The following MAP2K5 variants were observed in gnomAD, a reference collection of about 807,000 sequenced individuals.
MAP2K5 encodes mitogen-activated protein kinase kinase 5.
In MAP2K5, 49 loss-of-function variants were observed where a neutral mutation model predicts 83.1. That is an observed-to-expected ratio of 0.59 (90% confidence interval 0.47 to 0.75). MAP2K5 has a LOEUF of 0.75. MAP2K5 is among the 30% of genes least tolerant of loss of function. MAP2K5 has a pLI of 0.00. For synonymous variants in MAP2K5, 202 were observed against 191.8 expected (o/e 1.05, Z -0.44); for missense variants, 457 against 557.5 (o/e 0.82, Z 1.82).
rs776598786 is a variant in MAP2K5, at chr15:67,781,416, TAC to T, written c.1242+8666_1242+8667del. ...GGATTGTGAGTCTTGTGGTTTCGGA[TAC>T]AGAGTTATTTGGGGGGCCAAATCTG... On this transcript the variant is annotated intron_variant, in intron 21 of 21. Transcript: ENST00000178640. This position sits in a 1 kb window ranked among gnomAD's most constrained non-coding sequence, Gnocchi z 4.0. 6.6e-6 allele frequency among the ~76,000 whole-genome samples: 1 copy of T among 152,218 alleles called. No individual in the cohort carries two copies. The highest frequency in any genetic ancestry group is 1.5e-5 in the Non-Finnish European group (1 of 68,032).
At chr15:67,714,986 G>C (rs1566939320) in intron 16 of MAP2K5, among the ~76,000 whole-genome samples, 1 of 152,176 alleles carries the variant, frequency 6.6e-6, no homozygotes, top group Non-Finnish European at 1.5e-5. Flanking sequence ...GTTGACCAAA[G>C]TTTTTGCTGA....
rs138577099 is a variant in MAP2K5 at position 67,701,943 on chromosome 15, A to G, written c.973-1394A>G. Among the ~76,000 whole-genome samples the G allele has an allele frequency of 3.9e-3, 595 of 152,344 alleles. 3 individuals carry two copies. Among genetic ancestry groups the G allele is most frequent in the Non-Finnish European group, 7.2e-3 (492 of 68,032 alleles). Reference sequence around the variant, plus strand: ...TTGAATCCTGGCTCCGCTCCTGGACAGTGCATTTAATGCTAACCCATAGCT... The same window carrying G: ...TTGAATCCTGGCTCCGCTCCTGGACGGTGCATTTAATGCTAACCCATAGCT... On this transcript the variant is annotated intron_variant, in intron 15 of 21. Coordinates refer to ENST00000178640, the MANE Select transcript of MAP2K5 (RefSeq NM_145160.3).
intron 11 of MAP2K5, among the ~76,000 whole-genome samples, chr15:67,654,601 T>A (rs1317021301): frequency 6.6e-6 from 1 of 152,358 alleles, no homozygotes; most frequent in South Asian, 2.1e-4. Flanking sequence ...GTTCTGTTGT[T>A]GCTTTCTTTT....
In MAP2K5 at chr15:67,707,997, A is replaced by G. The variant is rs182797081; in HGVS notation, c.1044+4589A>G. ...TGATAAAAATGTAGGAAACCGAGCAAAGGAATTTCCCTGAAATTACACAGG... is the reference window on the plus strand; with the variant it reads ...TGATAAAAATGTAGGAAACCGAGCAGAGGAATTTCCCTGAAATTACACAGG... On this transcript the variant is annotated intron_variant, in intron 16 of 21. Coordinates refer to ENST00000178640, the MANE Select transcript of MAP2K5 (RefSeq NM_145160.3). 1.9e-4 allele frequency among the ~76,000 whole-genome samples: 29 copies of G among 152,318 alleles called. No homozygotes were observed. The East Asian group carries it at 5.0e-3, about 26-fold the overall frequency.
chr15:67,682,239 A>G (rs747813499), intron 13 of MAP2K5, among the ~76,000 whole-genome samples: 9 of 150,288 alleles, frequency 6.0e-5, no homozygotes, highest in Non-Finnish European at 1.2e-4. Context: ...TTTTTTTAAG[A>G]TAGAGTCTTG....
chr15:67,578,935 G>T (rs936318067), intron 3 of MAP2K5, among the ~76,000 whole-genome samples: 24 of 152,192 alleles, frequency 1.6e-4, no homozygotes, highest in Admixed American at 1.6e-3. Context: ...TAACTTGTTA[G>T]ATAAAGCATA....
intron 8 of MAP2K5, among the ~76,000 whole-genome samples, chr15:67,616,342 G>T (rs2086054348): frequency 1.3e-5 from 2 of 152,184 alleles, no homozygotes; most frequent in Non-Finnish European, 2.9e-5. Context: ...AACTTTCTGT[G>T]CCAATGAGGA....
intron 3 of MAP2K5, among the ~76,000 whole-genome samples, chr15:67,575,255 G>A (rs999652383): frequency 1.3e-5 from 2 of 152,068 alleles, no homozygotes; most frequent in African/African-American, 4.8e-5. Flanking sequence ...AAATGAGAAG[G>A]CTAATGAAAA....
intron 6 of MAP2K5, among the ~76,000 whole-genome samples, chr15:67,592,006 G>A (rs1025139144): frequency 6.6e-6 from 1 of 150,730 alleles, no homozygotes; most frequent in Non-Finnish European, 1.5e-5. Flanking sequence ...AGGTACTCTG[G>A]AGACTGAGGC....
Position 67,605,196 on chromosome 15 carries a change from A to G in MAP2K5, c.545+4447A>G, listed in dbSNP as rs375203267. Among the ~76,000 whole-genome samples the G allele has an allele frequency of 6.2e-4, 94 of 151,926 alleles. No homozygotes were observed. In the East Asian group the frequency reaches 0.014, roughly 23 times the overall value. On this transcript the variant is annotated intron_variant, in intron 8 of 21. Coordinates refer to ENST00000178640, the MANE Select transcript of MAP2K5 (RefSeq NM_145160.3). The stretch of plus-strand genomic sequence containing the variant: ...GCCTCCCTAGAGTAGCTGGGATTAC[A>G]GGCATGTACCACCATGCCCAGCTAA...
intron 21 of MAP2K5, among the ~76,000 whole-genome samples, chr15:67,791,290 G>A (rs2090513810): frequency 6.6e-6 from 1 of 152,184 alleles, no homozygotes; most frequent in Non-Finnish European, 1.5e-5. Flanking sequence ...AAGGATCAAA[G>A]GGCTTCAAAT....
At chr15:67,610,226 G>C (rs1267179999) in intron 8 of MAP2K5, among the ~76,000 whole-genome samples, 2 of 152,110 alleles carry the variant, frequency 1.3e-5, no homozygotes, top group African/African-American at 4.8e-5. Context: ...TCATCTCTAG[G>C]TGTTAATTTT....
rs181887969 is a variant in MAP2K5, at chr15:67,698,139, A to G, written c.972+4571A>G. Reference sequence around the variant, plus strand: ...GGATTTTATCCATAAGAATTATAAAAGGGGTCTGGAAACTTGGAGCTTATA... The same window carrying G: ...GGATTTTATCCATAAGAATTATAAAGGGGGTCTGGAAACTTGGAGCTTATA... On this transcript the variant is annotated intron_variant, in intron 15 of 21. Transcript: ENST00000178640. The surrounding 1 kb of genome is among the most constrained non-coding windows in gnomAD (Gnocchi z 4.5). Among the ~76,000 whole-genome samples the G allele has an allele frequency of 2.0e-5, 3 of 152,148 alleles. No homozygotes were observed. Among genetic ancestry groups the G allele is most frequent in the South Asian group, 4.1e-4 (2 of 4,832 alleles).
At chr15:67,723,696 G>T (rs2141243326) in intron 16 of MAP2K5, among the ~76,000 whole-genome samples, 1 of 151,926 alleles carries the variant, frequency 6.6e-6, no homozygotes, top group East Asian at 1.9e-4. Context: ...AAGGATATGA[G>T]ACCCATTTGA....
At position 67,547,524 on chromosome 15, in the gene MAP2K5, C is replaced by T. The variant is rs143703229; in HGVS notation, c.136-2510C>T. On this transcript the variant is annotated intron_variant, in intron 1 of 21. Transcript: ENST00000178640. ...AGGCTGGAATGCAGTGGCGTGATCT[C>T]GGCTCACTGCAACCTCTGCCTCCCA... Among the ~76,000 whole-genome samples, 15 of 146,218 alleles carry T rather than the reference C, an allele frequency of 1.0e-4. No individual in the cohort carries two copies. The Admixed American group carries it at 1.0e-3, about 10-fold the overall frequency.
At chr15:67,614,185 A>G (rs1244692848) in intron 8 of MAP2K5, among the ~76,000 whole-genome samples, 1 of 152,216 alleles carries the variant, frequency 6.6e-6, no homozygotes, top group Non-Finnish European at 1.5e-5. Flanking sequence ...TGAAGCATTC[A>G]GTAACCTCAC....
chr15:67,806,608 G>A (rs370020494), intron 21 of MAP2K5, 38 bp from the exon 22 acceptor site: 81 of 1,531,464 alleles, frequency 5.3e-5, no homozygotes, highest in Non-Finnish European at 4.1e-5. Context: ...GCGGGAGTCC[G>A]AGGACTGCCT....
chr15:67,647,824 G>A (rs62016196), intron 11 of MAP2K5, among the ~76,000 whole-genome samples: 1 of 151,834 alleles, frequency 6.6e-6, no homozygotes, highest in Non-Finnish European at 1.5e-5. Context: ...AACCAAGATC[G>A]CGCCACTGCA....
intron 11 of MAP2K5, among the ~76,000 whole-genome samples, chr15:67,650,253 A>C (rs946025435): frequency 6.6e-6 from 1 of 152,208 alleles, no homozygotes; most frequent in Non-Finnish European, 1.5e-5. Context: ...ATACAAGATA[A>C]TGCCATCTGC....
Sources: allele counts gnomAD v4.1 joint callset (sites outside exome capture counted in the v4.1 genomes callset), GRCh38; gene constraint gnomAD v4.1.1; non-coding constraint Gnocchi (gnomAD v3.1); transcripts MANE v1.5; gene names NCBI Gene and HGNC (gene_info 2026-07-23, HGNC 2026-07-21).